Variants in GIPR observed in about 807,000 individuals in gnomAD.
The protein encoded by GIPR is gastric inhibitory polypeptide receptor.
GIPR carries 74 observed loss-of-function variants against 62.2 expected under a neutral mutation model. The observed-to-expected ratio is 1.19, with a 90% CI of 0.99 to 1.44. GIPR has a LOEUF of 1.44. Ranked by LOEUF, GIPR falls within the 40% of genes most tolerant of loss-of-function variation. The probability of loss-of-function intolerance (pLI) is 0.00; values close to 1 mark genes in which losing one functional copy is unlikely to be tolerated. For synonymous variants in GIPR, 256 were observed against 262.2 expected, an observed-to-expected ratio of 0.98 and a Z score of 0.23; for missense variants, 664 against 611.8, an observed-to-expected ratio of 1.09 and a Z score of -0.90.
Position 45,682,538 on chromosome 19 carries a change from T to A in GIPR, c.*603T>A, listed in dbSNP as rs1967303258. ...CACGGGTCTCTCAAAGTGCTGGGAT[T>A]ACAGGCGTGAGCCACCGCACCCGGC... is the stretch of plus-strand genomic sequence containing the variant. On this transcript the variant is annotated 3_prime_UTR_variant, in exon 14 of 14. Transcript: ENST00000590918. 1 of 152,118 alleles carries A rather than the reference T, an allele frequency of 6.6e-6. No individual in the cohort carries two copies. The highest frequency in any genetic ancestry group is 2.1e-4 in the South Asian group (1 of 4,874). The allele number at this position is 152,118 out of a possible 1,614,324, so 9.4% of individuals were successfully genotyped here. A position where few individuals can be genotyped will look rare whatever the true frequency, so the allele number is the denominator to read the frequency against.
chr19:45,678,048 C>G (rs753140368), intron 11 of GIPR, 40 bp from the exon 12 acceptor site: 3 of 1,611,656 alleles, frequency 1.9e-6, no homozygotes, highest in Non-Finnish European at 2.5e-6. Context: ...AGATGGGGAA[C>G]CAGGGCTGCG....
At position 45,672,944 on chromosome 19, in the gene GIPR, AGGCCTTTCT is replaced by A. The variant is rs774058397; in HGVS notation, c.377_384+1del. ...CAATGTGAGAACCCAGAGAAGAATGAGGCCTTTCTGGTAAGAAGAGGTGAGGGCTTCAGG... is the reference window on the plus strand; with the variant it reads ...CAATGTGAGAACCCAGAGAAGAATGAGGTAAGAAGAGGTGAGGGCTTCAGG... On this transcript the variant is annotated inframe_deletion and splice_region_variant, in exon 5 of 14. Transcript: ENST00000590918. 1.3e-6 allele frequency: 2 copies of A among 1,593,324 alleles called. No individual in the cohort carries two copies. Among genetic ancestry groups the A allele is most frequent in the Non-Finnish European group, 1.7e-6 (2 of 1,160,950 alleles).
intron 6 of GIPR, 31 bp from the exon 7 acceptor site, chr19:45,674,651 G>A (rs1236492600): frequency 1.2e-6 from 2 of 1,612,396 alleles, no homozygotes; most frequent in Non-Finnish European, 1.7e-6. Context: ...GCTCTCCAGG[G>A]GCCCCCACAC....
In GIPR at chr19:45,677,787, C is replaced by G. The variant is rs369724876; in HGVS notation, c.924+8C>G. 2.5e-6 allele frequency: 4 copies of G among 1,610,570 alleles called. No individual in the cohort carries two copies. Among genetic ancestry groups the G allele is most frequent in the Non-Finnish European group, 3.4e-6 (4 of 1,176,816 alleles). On this transcript the variant is annotated splice_region_variant and intron_variant, in intron 10 of 13. Coordinates refer to ENST00000590918, the MANE Select transcript of GIPR (RefSeq NM_000164.4). ...ATCCTCATGACCATCTTGGTAGGAT[C>G]GGTCCCGCCTCCACCAGGCCGCCCT...
At position 45,671,304 on chromosome 19, in the gene GIPR, C is replaced by T. The variant is rs1555774461; in HGVS notation, c.192C>T (p.Ser64=). Reference sequence around the variant, plus strand: ...CCCCAGGCCTCGCCTGTAACGGGTCCTTCGATATGTACGTCTGCTGGGACT... The same window carrying T: ...CCCCAGGCCTCGCCTGTAACGGGTCTTTCGATATGTACGTCTGCTGGGACT... ...EPPSGLACNG[S]FDMYVCWDYA... Residue 64 remains serine (S), a synonymous_variant, in exon 4 of 14, where the codon TCC becomes TCT. Coordinates refer to ENST00000590918, the MANE Select transcript of GIPR (RefSeq NM_000164.4). The T allele has an allele frequency of 6.2e-7, 1 of 1,612,198 alleles. No homozygotes were observed. The highest frequency in any genetic ancestry group is 2.2e-5 in the East Asian group (1 of 44,876).
rs553279325 is a variant in GIPR, at chr19:45,678,342, T to C, written c.1152+116T>C. The stretch of plus-strand genomic sequence containing the variant: ...CACTGAATGGGGTGGGAAGATGGGA[T>C]TTAGTTCGTTCATTAATTAATTCAT... On this transcript the variant is annotated intron_variant, in intron 12 of 13. Transcript: ENST00000590918. The C allele has an allele frequency of 8.9e-5, 103 of 1,160,690 alleles. 2 individuals are homozygous for C. The South Asian group carries it at 1.3e-3, about 15-fold the overall frequency. The allele number at this position is 1,160,690 out of a possible 1,614,324, so 71.9% of individuals were successfully genotyped here. A position where few individuals can be genotyped will look rare whatever the true frequency, so the allele number is the denominator to read the frequency against.
intron 4 of GIPR, 78 bp from the exon 5 acceptor site, chr19:45,672,773 G>A (rs1208591427): frequency 1.7e-5 from 14 of 843,970 alleles, no homozygotes; most frequent in Non-Finnish European, 2.7e-5. Flanking sequence ...CTCCCTCTCT[G>A]TTATTGTCTC....
chr19:45,671,338 CCCAAT>C lies in GIPR; in HGVS notation c.227_231del (p.Pro76ArgfsTer29). 6.2e-7 allele frequency: 1 copy of C among 1,612,958 alleles called. No homozygotes were observed. The highest frequency in any genetic ancestry group is 8.5e-7 in the Non-Finnish European group (1 of 1,179,834). ...GTACGTCTGCTGGGACTATGCTGCA[CCCAAT>C]GCCACTGCCCGTGCGTCCTGCCCCT... On this transcript the variant is annotated frameshift_variant, in exon 4 of 14. Transcript: ENST00000590918. LOFTEE classifies it high-confidence loss of function.
intron 3 of GIPR, 92 bp downstream of exon 3, chr19:45,670,826 T>A (rs998553920): frequency 3.8e-6 from 3 of 782,234 alleles, no homozygotes; most frequent in Non-Finnish European, 6.3e-6. Context: ...GGGGAAGAAA[T>A]CTCGGGGCGC....
intron 12 of GIPR, 144 bp downstream of exon 12, chr19:45,678,370 T>A (rs1469043839): frequency 5.8e-6 from 2 of 343,092 alleles, no homozygotes; most frequent in Non-Finnish European, 9.2e-6. Context: ...TAATTCATTC[T>A]TTTTTTTTTT....
chr19:45,674,940 A>T, intron 7 of GIPR, 114 bp downstream of exon 7: 3 of 1,022,242 alleles, frequency 2.9e-6, no homozygotes, highest in Non-Finnish European at 4.5e-6. Context: ...CTGAGTTGGG[A>T]GGGTCCCTCT....
At chr19:45,678,466 C>A (rs1336127462) in intron 12 of GIPR, 3 of 569,468 alleles carry the variant, frequency 5.3e-6, no homozygotes, top group Non-Finnish European at 9.4e-6. Flanking sequence ...CGGGTTCAAG[C>A]GATTCTCCTG....
At chr19:45,677,620 T>G in intron 9 of GIPR, 90 bp from the exon 10 acceptor site, 1 of 1,029,048 alleles carries the variant, frequency 9.7e-7, no homozygotes, top group Non-Finnish European at 1.5e-6. Flanking sequence ...TGGTCTCAAG[T>G]GCGGTGGGCG....
chr19:45,671,213 C>T lies in GIPR; in HGVS notation c.173-72C>T, dbSNP rs1413671094. ...GGCCCACTGCGGAGAAGCACTTGGC[C>T]CACTGCGCAGTAGCACTTGGCCCAC... is the stretch of plus-strand genomic sequence containing the variant. On this transcript the variant is annotated intron_variant, in intron 3 of 13. Coordinates refer to ENST00000590918, the MANE Select transcript of GIPR (RefSeq NM_000164.4). 9.1e-6 allele frequency: 8 copies of T among 876,272 alleles called. No homozygotes were observed. The East Asian group carries it at 1.9e-4, about 21-fold the overall frequency. The allele number at this position is 876,272 out of a possible 1,614,324, so 54.3% of individuals were successfully genotyped here.
At chr19:45,671,876 C>G (rs1435536147) in intron 4 of GIPR, among the ~76,000 whole-genome samples, 3 of 151,936 alleles carry the variant, frequency 2.0e-5, no homozygotes, top group African/African-American at 7.3e-5. Context: ...CCGGCCTTGG[C>G]TTCCCAAAGT....
At chr19:45,674,252 C>CTG in intron 6 of GIPR, 75 bp downstream of exon 6, 1 of 936,558 alleles carries the variant, frequency 1.1e-6, no homozygotes, top group Non-Finnish European at 1.8e-6. Context: ...ATGGGGTGGT[C>CTG]TGTTTCCACC....
At position 45,673,184 on chromosome 19, in the gene GIPR, C is replaced by T. The variant is rs12460357; in HGVS notation, c.384+230C>T. ...CCTGTAATCCCAGCACTTTGGGAGG[C>T]CAAGGAGGGTGGATCACTTGAGGTC... On this transcript the variant is annotated intron_variant, in intron 5 of 13. Coordinates refer to ENST00000590918, the MANE Select transcript of GIPR (RefSeq NM_000164.4). 0.016 allele frequency among the ~76,000 whole-genome samples: 2,370 copies of T among 152,172 alleles called. 148 individuals are homozygous for T. The highest frequency in any genetic ancestry group is 0.12 in the Admixed American group (1,828 of 15,266).
At position 45,669,658 on chromosome 19, in the gene GIPR, T is replaced by A. The variant is rs1265239885; in HGVS notation, c.72+66T>A. ...GAGGTATGGGGACGGTTTTAGGGCT[T>A]CCGTCGTCAGGGCGCTGTCGCTCAC... On this transcript the variant is annotated intron_variant, in intron 2 of 13. Coordinates refer to ENST00000590918, the MANE Select transcript of GIPR (RefSeq NM_000164.4). The A allele has an allele frequency of 6.5e-6, 10 of 1,529,294 alleles. No homozygotes were observed. The Admixed American group carries it at 1.4e-4, about 21-fold the overall frequency. The allele number at this position is 1,529,294 out of a possible 1,614,324, so 94.7% of individuals were successfully genotyped here. A position where few individuals can be genotyped will look rare whatever the true frequency, so the allele number is the denominator to read the frequency against.
chr19:45,679,199 G>A (rs908006981), intron 12 of GIPR, among the ~76,000 whole-genome samples: 2 of 152,160 alleles, frequency 1.3e-5, no homozygotes, highest in Admixed American at 6.6e-5. Flanking sequence ...AAGGCATACA[G>A]CTGGGCGCAG....
Sources: gnomAD v4.1 joint callset for allele counts (sites outside exome capture counted in the v4.1 genomes callset) on GRCh38, gnomAD v4.1.1 for gene constraint, MANE v1.5 for transcripts, NCBI Gene and HGNC (gene_info 2026-07-23, HGNC 2026-07-21) for gene names.